Variants in SHF observed in about 807,000 individuals in gnomAD.
SHF encodes the protein SH2 domain-containing adapter protein F.
SHF carries 30 observed loss-of-function variants against 42.4 expected under a neutral mutation model. The observed-to-expected ratio is 0.71, with a 90% CI of 0.53 to 0.96. The LOEUF is 0.96. Among genes scored for constraint, SHF ranks in the 40% least tolerant of loss-of-function variants. The probability of loss-of-function intolerance (pLI) is 0.00; values close to 1 mark genes in which losing one functional copy is unlikely to be tolerated. For missense variants in SHF, 598 were observed against 634.0 expected, an observed-to-expected ratio of 0.94 and a Z score of 0.61; for synonymous variants, 264 against 269.9, an observed-to-expected ratio of 0.98 and a Z score of 0.21.
intron 4 of SHF, among the ~76,000 whole-genome samples, chr15:45,172,600 G>A (rs894474285): frequency 1.3e-5 from 2 of 152,168 alleles, no homozygotes; most frequent in African/African-American, 2.4e-5. Context: ...AACCATGCAC[G>A]CTTCTCCCTC....
At chr15:45,200,903 A>C (rs754967131) in exon 1 of SHF, 2 of 454,480 alleles carry the variant, frequency 4.4e-6, no homozygotes, top group Admixed American at 4.8e-5. Flanking sequence ...ACATCATTGC[A>C]GGCCCGGCCT....
intron 2 of SHF, 62 bp from the exon 3 acceptor site, chr15:45,175,487 C>T: frequency 6.6e-7 from 1 of 1,507,580 alleles, no homozygotes; most frequent in East Asian, 2.5e-5. Context: ...GGCTCCCCTC[C>T]TCCAATGCTT....
intron 1 of SHF, among the ~76,000 whole-genome samples, chr15:45,184,434 T>C (rs567721893): frequency 3.3e-5 from 5 of 152,164 alleles, no homozygotes; most frequent in Admixed American, 1.3e-4. Context: ...CCCAGAAAAA[T>C]AGGAAATATC....
chr15:45,189,534 G>A (rs559546609), upstream of SHF, among the ~76,000 whole-genome samples: 61 of 151,770 alleles, frequency 4.0e-4, no homozygotes, highest in Non-Finnish European at 7.5e-4. Flanking sequence ...GATTACAAGC[G>A]TGCGCCACCA....
intron 2 of SHF, among the ~76,000 whole-genome samples, chr15:45,175,856 T>C (rs1417884842): frequency 4.8e-5 from 7 of 147,246 alleles, no homozygotes; most frequent in African/African-American, 1.8e-4. Context: ...TCTTGCTCTC[T>C]CACCCAGGCT....
intron 6 of SHF, among the ~76,000 whole-genome samples, chr15:45,169,635 C>T (rs1206167017): frequency 6.6e-6 from 1 of 152,252 alleles, no homozygotes; most frequent in Non-Finnish European, 1.5e-5. Flanking sequence ...ACCCCTTCTC[C>T]CTTAGTCCAC....
In SHF at chr15:45,168,113, T is replaced by A; in HGVS notation, c.1301A>T (p.His434Leu). 1 of 1,600,076 alleles carries A rather than the reference T, an allele frequency of 6.2e-7. No homozygotes were observed. The highest frequency in any genetic ancestry group is 8.5e-7 in the Non-Finnish European group (1 of 1,171,216). Reference protein sequence around the residue: ...LSLKSSQGFMHMKLSRTKEHK... With the variant: ...LSLKSSQGFMLMKLSRTKEHK... ...TTCCTTGGTTCGGGACAGCTTCATG[T>A]GCATGAATCCCTGGCTGCTCCTGGG... Residue 434 changes from histidine (H) to leucine (L), a missense_variant, in exon 7 of 7, where the codon CAC becomes CTC. By Grantham distance (99) the His-to-Leu change is moderately conservative. Around this residue, in one of 2 missense-constraint regions of SHF, gnomAD observed 439 missense variants for 524.6 expected, o/e 0.84. Transcript: ENST00000690270.
Position 45,167,751 on chromosome 15 carries a change from C to T in SHF, c.*196G>A. ...TTCTCTCCAGGGATTCCTCTTTCCC[C>T]AGCTCCAGACAACCCCTTACTCCAA... On this transcript the variant is annotated 3_prime_UTR_variant, in exon 7 of 7. Coordinates refer to ENST00000690270, the MANE Select transcript of SHF (RefSeq NM_001394037.1). 6.9e-6 allele frequency: 3 copies of T among 437,806 alleles called. No individual in the cohort carries two copies. The highest frequency in any genetic ancestry group is 9.1e-5 in the South Asian group (1 of 11,026). The allele number at this position is 437,806 out of a possible 1,614,324, so 27.1% of individuals were successfully genotyped here.
At chr15:45,173,128 A>G (rs1482039022) in intron 4 of SHF, among the ~76,000 whole-genome samples, 1 of 152,208 alleles carries the variant, frequency 6.6e-6, no homozygotes, top group African/African-American at 2.4e-5. Flanking sequence ...AGGAAGAATT[A>G]AGTGCGTTCT....
chr15:45,169,617 T>C (rs1897369938), intron 6 of SHF, among the ~76,000 whole-genome samples: 1 of 152,236 alleles, frequency 6.6e-6, no homozygotes, highest in African/African-American at 2.4e-5. Flanking sequence ...CTTCTCAGTT[T>C]GGGGCTGACC....
chr15:45,167,966 ACAGGGTAGAG>A lies in SHF; in HGVS notation c.1438_1447del (p.Leu480TrpfsTer14). ...TCACATCTAAAGAGTCCGGATGGCC[ACAGGGTAGAG>A]CAGGGACATGTGTTCGGCTCCCTTA... On this transcript the variant is annotated frameshift_variant, in exon 7 of 7. Transcript: ENST00000690270. LOFTEE classifies it high-confidence loss of function. 1 of 1,609,378 alleles carries A rather than the reference ACAGGGTAGAG, an allele frequency of 6.2e-7. No individual in the cohort carries two copies. The highest frequency in any genetic ancestry group is 8.5e-7 in the Non-Finnish European group (1 of 1,177,160).
intron 2 of SHF, among the ~76,000 whole-genome samples, chr15:45,175,826 T>TTC (rs1897776324): frequency 1.3e-5 from 2 of 149,402 alleles, no homozygotes; most frequent in African/African-American, 2.5e-5. Context: ...TTTCTTTTTT[T>TTC]TTTTTTTTTT....
chr15:45,190,089 AT>A (rs1245889936), upstream of SHF, among the ~76,000 whole-genome samples: 7 of 152,160 alleles, frequency 4.6e-5, no homozygotes, highest in Non-Finnish European at 7.3e-5. Flanking sequence ...TAAGTTACAG[AT>A]TCTGACTCTC....
chr15:45,200,613 G>C (rs1043287493), intron 1 of SHF: 6 of 409,792 alleles, frequency 1.5e-5, no homozygotes, highest in Non-Finnish European at 2.9e-5. Context: ...AGCCATCTGA[G>C]GGCACGCAAG....
intron 2 of SHF, among the ~76,000 whole-genome samples, chr15:45,196,132 C>G (rs1898854813): frequency 7.4e-6 from 1 of 135,634 alleles, no homozygotes; most frequent in Non-Finnish European, 1.5e-5. Context: ...GAGTCTGGCT[C>G]TGTCACCTAG....
Position 45,171,955 on chromosome 15 carries a change from C to T in SHF, c.1208G>A (p.Arg403Gln), listed in dbSNP as rs893653065. The part of the protein sequence containing the change: ...ISRTDAENLL[R>Q]LCKEASYLVR... ...CAGGTAGCTGGCCTCTTTGCACAGCCGGAGCAGGTTCTCGGCGTCGGTTCG... is the reference window on the plus strand; with the variant it reads ...CAGGTAGCTGGCCTCTTTGCACAGCTGGAGCAGGTTCTCGGCGTCGGTTCG... The change falls in exon 6 of 7, where the codon CGG becomes CAG. Residue 403 changes from arginine to glutamine, a missense_variant. Transcript: ENST00000690270. The T allele has an allele frequency of 2.2e-5, 35 of 1,613,768 alleles. No homozygotes were observed. Among genetic ancestry groups the T allele is most frequent in the South Asian group, 4.4e-5 (4 of 91,066 alleles).
intron 2 of SHF, among the ~76,000 whole-genome samples, chr15:45,196,878 G>A (rs1000454346): frequency 2.7e-5 from 4 of 145,976 alleles, no homozygotes; most frequent in Admixed American, 7.1e-5. Context: ...TCCAGCCTGG[G>A]TGACAGAGCA....
In SHF at chr15:45,178,297, G is replaced by C. The variant is rs949132113; in HGVS notation, c.508C>G (p.Leu170Val). Residue 170 changes from leucine (L) to valine (V), a missense_variant, in exon 2 of 7, where the codon CTA becomes GTA. This residue lies in a region of SHF where 439 missense variants were observed against 524.6 expected (regional missense o/e 0.84). Transcript: ENST00000690270. Reference sequence around the variant, plus strand: ...TCAAACGGGTCCGCATAGTCTTCTAGGATAGCTAGCTGTGGGAGGAGAGTG... The same window carrying C: ...TCAAACGGGTCCGCATAGTCTTCTACGATAGCTAGCTGTGGGAGGAGAGTG... Reference protein sequence around the residue: ...PPASSDRLAILEDYADPFDVQ... With the variant: ...PPASSDRLAIVEDYADPFDVQ... 7 of 1,612,944 alleles carry C rather than the reference G, an allele frequency of 4.3e-6. No individual in the cohort carries two copies. The African/African-American group carries it at 9.4e-5, about 22-fold the overall frequency.
intron 2 of SHF, among the ~76,000 whole-genome samples, 190 bp from the exon 3 acceptor site, chr15:45,175,615 A>T (rs1042936604): frequency 1.3e-5 from 2 of 152,118 alleles, no homozygotes; most frequent in Non-Finnish European, 2.9e-5. Context: ...AAAGCAAGGG[A>T]GCCAATGAAG....
Sources: gnomAD v4.1 joint callset for allele counts (sites outside exome capture counted in the v4.1 genomes callset) on GRCh38, gnomAD v4.1.1 for gene constraint, gnomAD v4.1.1 regional missense constraint, MANE v1.5 for transcripts, NCBI Gene and HGNC (gene_info 2026-07-23, HGNC 2026-07-21) for gene names.